Variants in ITPRID1 observed in about 807,000 individuals in gnomAD.
ITPRID1 encodes protein ITPRID1.
A neutral mutation model predicts 95.4 loss-of-function variants in ITPRID1; 96 were observed. The ratio of observed to expected loss-of-function variants is 1.01; its 90% CI spans 0.85 to 1.19. The LOEUF (loss-of-function observed/expected upper bound fraction) is 1.19. ITPRID1 is among the 50% of genes most tolerant of loss of function. The probability of loss-of-function intolerance (pLI) is 0.00; values close to 1 mark genes in which losing one functional copy is unlikely to be tolerated. For missense variants in ITPRID1, 1,339 were observed against 1,252.9 expected (o/e 1.07, Z -1.04); for synonymous variants, 510 against 453.6 (o/e 1.12, Z -1.58).
At chr7:31,615,653 G>A (rs1386940066) in intron 10 of ITPRID1, among the ~76,000 whole-genome samples, 1 of 150,256 alleles carries the variant, frequency 6.7e-6, no homozygotes, top group African/African-American at 2.5e-5. Flanking sequence ...TAATTACATA[G>A]GCTTTCATTC....
chr7:31,570,062 T>G (rs1784932553), intron 6 of ITPRID1, among the ~76,000 whole-genome samples: 2 of 152,202 alleles, frequency 1.3e-5, no homozygotes, highest in Admixed American at 6.5e-5. Context: ...TTACAACATA[T>G]GCATAAATGA....
chr7:31,526,382 T>G (rs1783422332), intron 1 of ITPRID1, among the ~76,000 whole-genome samples: 2 of 152,278 alleles, frequency 1.3e-5, no homozygotes, highest in South Asian at 2.1e-4. Context: ...TAGGCCTACG[T>G]TGCGAGTCAG....
chr7:31,577,753 T>G, intron 8 of ITPRID1, 110 bp from the exon 9 acceptor site: 5 of 874,112 alleles, frequency 5.7e-6, no homozygotes, highest in South Asian at 2.0e-5. Context: ...CCTAATGTCC[T>G]TCCTATCTTG....
At chr7:31,629,133 C>A (rs559994205) in intron 10 of ITPRID1, among the ~76,000 whole-genome samples, 2 of 152,262 alleles carry the variant, frequency 1.3e-5, no homozygotes, top group South Asian at 4.2e-4. Context: ...TATGAGTAAG[C>A]ACTGGATCTA....
intron 12 of ITPRID1, among the ~76,000 whole-genome samples, chr7:31,649,697 G>C (rs1225079999): frequency 6.6e-6 from 1 of 152,162 alleles, no homozygotes; most frequent in African/African-American, 2.4e-5. Context: ...AATGGTTAGT[G>C]GCCCTGGAGT....
At position 31,652,939 on chromosome 7, in the gene ITPRID1, T is replaced by C; in HGVS notation, c.*110T>C. On this transcript the variant is annotated 3_prime_UTR_variant, in exon 15 of 15. Transcript: ENST00000615280. ...AAGGGTCTGCCAACCCATTGTCAGC[T>C]ATATCTCTCATATTCTACCCTTTGG... is the stretch of plus-strand genomic sequence containing the variant. 1.3e-6 allele frequency: 2 copies of C among 1,506,800 alleles called. No individual in the cohort carries two copies. The highest frequency in any genetic ancestry group is 1.8e-6 in the Non-Finnish European group (2 of 1,129,232). The allele number at this position is 1,506,800 out of a possible 1,614,324, so 93.3% of individuals were successfully genotyped here.
At chr7:31,614,982 A>ATTAAT (rs1222138940) in intron 10 of ITPRID1, among the ~76,000 whole-genome samples, 1 of 152,156 alleles carries the variant, frequency 6.6e-6, no homozygotes, top group Non-Finnish European at 1.5e-5. Context: ...TAGCCAAGGG[A>ATTAAT]TTAATTTATT....
intron 10 of ITPRID1, among the ~76,000 whole-genome samples, chr7:31,608,586 G>A (rs945054300): frequency 9.2e-5 from 14 of 151,654 alleles, no homozygotes; most frequent in South Asian, 2.1e-4. Flanking sequence ...CTTTGGTTCA[G>A]TTTATTCTAA....
chr7:31,532,401 T>C (rs936169806), intron 1 of ITPRID1, among the ~76,000 whole-genome samples: 5 of 152,206 alleles, frequency 3.3e-5, no homozygotes, highest in Admixed American at 1.3e-4. Flanking sequence ...TGAATAGAAA[T>C]GATGAGAGCA....
chr7:31,549,568 A>T (rs1784214226), intron 2 of ITPRID1, 69 bp downstream of exon 2: 1 of 1,101,072 alleles, frequency 9.1e-7, no homozygotes, highest in Admixed American at 2.5e-5. Flanking sequence ...TTTCATACTC[A>T]TTATAGATAT....
chr7:31,568,190 C>A (rs978866580), intron 5 of ITPRID1, among the ~76,000 whole-genome samples: 1 of 151,656 alleles, frequency 6.6e-6, no homozygotes, highest in South Asian at 2.1e-4. Context: ...CCTTCTAGAC[C>A]AGTCTTCTTT....
At chr7:31,652,169 A>C (rs749153786) in intron 14 of ITPRID1, 119 bp downstream of exon 14, 3 of 795,566 alleles carry the variant, frequency 3.8e-6, no homozygotes, top group Non-Finnish European at 6.2e-6. Flanking sequence ...CAACACCTTC[A>C]TTTTAAGTAT....
At chr7:31,593,180 T>A (rs1962805) in intron 10 of ITPRID1, among the ~76,000 whole-genome samples, 1 of 152,116 alleles carries the variant, frequency 6.6e-6, no homozygotes, top group Non-Finnish European at 1.5e-5. Context: ...TGGTGCATGC[T>A]TGTAATCCCA....
At chr7:31,516,277 T>C (rs1783037850) in intron 1 of ITPRID1, among the ~76,000 whole-genome samples, 1 of 152,202 alleles carries the variant, frequency 6.6e-6, no homozygotes, top group Admixed American at 6.5e-5. Flanking sequence ...TGTGTGTGCA[T>C]GTGTATGTAT....
intron 10 of ITPRID1, among the ~76,000 whole-genome samples, chr7:31,629,948 A>G (rs1282810590): frequency 2.6e-5 from 4 of 152,182 alleles, no homozygotes; most frequent in Non-Finnish European, 5.9e-5. Flanking sequence ...CAAACATGAT[A>G]TAAATATAAT....
intron 10 of ITPRID1, among the ~76,000 whole-genome samples, chr7:31,623,509 G>A (rs1016647925): frequency 1.3e-5 from 2 of 151,798 alleles, no homozygotes; most frequent in African/African-American, 2.4e-5. Context: ...AAAATGACAC[G>A]ATTATCTCAA....
chr7:31,651,009 C>G, intron 12 of ITPRID1, 133 bp from the exon 13 acceptor site: 1 of 928,314 alleles, frequency 1.1e-6, no homozygotes, highest in Admixed American at 2.7e-5. Context: ...TTCCTATTCC[C>G]TCCCCCTTAT....
intron 10 of ITPRID1, among the ~76,000 whole-genome samples, chr7:31,608,101 A>G (rs1786705121): frequency 6.6e-6 from 1 of 151,994 alleles, no homozygotes; most frequent in Non-Finnish European, 1.5e-5. Context: ...CATGATATTT[A>G]GTTATCCCAA....
chr7:31,588,481 A>G (rs1462197769), intron 10 of ITPRID1, among the ~76,000 whole-genome samples: 1 of 151,764 alleles, frequency 6.6e-6, no homozygotes, highest in South Asian at 2.1e-4. Context: ...AAATACAAAA[A>G]TTAGCTGGGC....
Sources: allele counts gnomAD v4.1 joint callset (sites outside exome capture counted in the v4.1 genomes callset), GRCh38; gene constraint gnomAD v4.1.1; transcripts MANE v1.5; gene names NCBI Gene and HGNC (gene_info 2026-07-23, HGNC 2026-07-21).